Variants in ITGBL1 observed in about 807,000 individuals in gnomAD.
ITGBL1 encodes the protein integrin beta-like protein 1.
A neutral mutation model predicts 68.5 loss-of-function variants in ITGBL1; 51 were observed. The observed-to-expected ratio is 0.74, with a 90% CI of 0.59 to 0.94. The LOEUF is 0.94. Ranked by LOEUF, ITGBL1 falls within the 40% of genes least tolerant of loss-of-function variation. The pLI, the probability that ITGBL1 is intolerant of heterozygous loss-of-function variation, is 0.00. For synonymous variants in ITGBL1, 209 were observed against 227.3 expected (o/e 0.92, Z 0.72); for missense variants, 649 against 647.4 (o/e 1.00, Z -0.03).
At chr13:101,492,930 C>T (rs2048801971) in intron 2 of ITGBL1, among the ~76,000 whole-genome samples, 1 of 152,218 alleles carries the variant, frequency 6.6e-6, no homozygotes, top group African/African-American at 2.4e-5. Context: ...AATGCAGAAG[C>T]TTCAGGCTGC....
At chr13:101,457,939 T>G (rs1204517860) in intron 2 of ITGBL1, among the ~76,000 whole-genome samples, 1 of 152,230 alleles carries the variant, frequency 6.6e-6, no homozygotes, top group Non-Finnish European at 1.5e-5. Flanking sequence ...ACTTAAATAA[T>G]GTATTGTTTT....
chr13:101,617,469 T>C (rs1056005991), intron 7 of ITGBL1, among the ~76,000 whole-genome samples: 1 of 152,084 alleles, frequency 6.6e-6, no homozygotes, highest in African/African-American at 2.4e-5. Context: ...CTATTCTGAT[T>C]AATGTGGAAG....
intron 6 of ITGBL1, among the ~76,000 whole-genome samples, chr13:101,585,391 T>G (rs2050535537): frequency 6.6e-6 from 1 of 152,128 alleles, no homozygotes. Context: ...ATAGAGTTGG[T>G]GGTTAAAACT....
chr13:101,641,831 C>A (rs868352469), intron 7 of ITGBL1, among the ~76,000 whole-genome samples: 3 of 148,252 alleles, frequency 2.0e-5, no homozygotes, highest in Non-Finnish European at 4.4e-5. Context: ...TTTGTTCTTG[C>A]GATAGTTTAC....
At chr13:101,475,346 A>T (rs2048520347) in intron 2 of ITGBL1, among the ~76,000 whole-genome samples, 1 of 152,174 alleles carries the variant, frequency 6.6e-6, no homozygotes, top group Non-Finnish European at 1.5e-5. Flanking sequence ...AACAGAAGAA[A>T]GAATTAGTGA....
intron 2 of ITGBL1, among the ~76,000 whole-genome samples, chr13:101,493,800 C>G (rs2048816069): frequency 1.3e-5 from 2 of 152,218 alleles, no homozygotes; most frequent in Admixed American, 6.5e-5. Flanking sequence ...AAGAGCCTAT[C>G]TGATGTTTCT....
intron 2 of ITGBL1, among the ~76,000 whole-genome samples, chr13:101,556,876 C>T (rs901663684): frequency 1.3e-5 from 2 of 152,192 alleles, no homozygotes; most frequent in African/African-American, 4.8e-5. Context: ...TGAGACAAAA[C>T]ATTTTTGTTG....
chr13:101,624,488 C>T (rs967423788), intron 7 of ITGBL1, among the ~76,000 whole-genome samples: 2 of 152,146 alleles, frequency 1.3e-5, no homozygotes, highest in South Asian at 2.1e-4. Context: ...GAGGTGAGGA[C>T]TCAGGATACA....
At chr13:101,527,373 A>C (rs918583034) in intron 2 of ITGBL1, among the ~76,000 whole-genome samples, 2 of 152,082 alleles carry the variant, frequency 1.3e-5, no homozygotes, top group African/African-American at 4.8e-5. Flanking sequence ...TCTGTGTCCA[A>C]CATCTTTTGC....
At chr13:101,584,922 TC>T (rs1460783726) in intron 6 of ITGBL1, among the ~76,000 whole-genome samples, 1 of 151,478 alleles carries the variant, frequency 6.6e-6, no homozygotes, top group Non-Finnish European at 1.5e-5. Flanking sequence ...GTGGGTTTTA[TC>T]CTAAAAAAAA....
intron 9 of ITGBL1, among the ~76,000 whole-genome samples, chr13:101,710,023 C>G (rs890224946): frequency 7.2e-5 from 11 of 152,192 alleles, no homozygotes; most frequent in African/African-American, 2.7e-4. Flanking sequence ...AATATTGACT[C>G]AAAGGCATTT....
chr13:101,705,935 A>T (rs2034255050), intron 8 of ITGBL1, among the ~76,000 whole-genome samples: 1 of 152,210 alleles, frequency 6.6e-6, no homozygotes, highest in Non-Finnish European at 1.5e-5. Context: ...CAAATAGTTG[A>T]TTCAGAGAGA....
At chr13:101,479,064 C>A (rs2139033705) in intron 2 of ITGBL1, among the ~76,000 whole-genome samples, 1 of 152,136 alleles carries the variant, frequency 6.6e-6, no homozygotes, top group African/African-American at 2.4e-5. Flanking sequence ...AATTATAACA[C>A]AGAGCTATAG....
Position 101,604,861 on chromosome 13 carries a change from T to TAC in ITGBL1, c.1015+6563_1015+6564insCA, listed in dbSNP as rs1594922316. Among the ~76,000 whole-genome samples, 10 of 19,110 alleles carry TAC rather than the reference T, an allele frequency of 5.2e-4. 1 individual carries two copies. In the Admixed American group the frequency reaches 6.1e-3, roughly 12 times the overall value. The allele number at this position is 19,110 out of a possible 152,430, so 12.5% of individuals were successfully genotyped here. On this transcript the variant is annotated intron_variant, in intron 7 of 10. Coordinates refer to ENST00000376180, the MANE Select transcript of ITGBL1 (RefSeq NM_004791.3). ...GGTGAAGGCAATATATATATATATA[T>TAC]ATATATATATATATATATATATATA...
chr13:101,482,955 G>A (rs1181098581), intron 2 of ITGBL1, among the ~76,000 whole-genome samples: 1 of 152,154 alleles, frequency 6.6e-6, no homozygotes, highest in African/African-American at 2.4e-5. Context: ...GAGCTCAACA[G>A]CCTGTGTATT....
chr13:101,523,711 G>A (rs567638306), intron 2 of ITGBL1, among the ~76,000 whole-genome samples: 1 of 142,656 alleles, frequency 7.0e-6, no homozygotes, highest in East Asian at 2.1e-4. Context: ...ACTTCAAATG[G>A]ATGCACACAA....
At chr13:101,606,110 C>CTATA (rs1442689773) in intron 7 of ITGBL1, among the ~76,000 whole-genome samples, 30 of 138,276 alleles carry the variant, frequency 2.2e-4, no homozygotes, top group Non-Finnish European at 4.3e-4. Context: ...CTCTCTCTCT[C>CTATA]TCTATATATA....
intron 2 of ITGBL1, among the ~76,000 whole-genome samples, chr13:101,455,611 C>T (rs1353493511): frequency 6.6e-6 from 1 of 152,146 alleles, no homozygotes; most frequent in African/African-American, 2.4e-5. Flanking sequence ...TTGCAGAGAG[C>T]CAAGATCATG....
intron 7 of ITGBL1, among the ~76,000 whole-genome samples, chr13:101,646,780 C>G (rs2032572351): frequency 6.6e-6 from 1 of 151,624 alleles, no homozygotes; most frequent in African/African-American, 2.4e-5. Flanking sequence ...CAAAACAAAA[C>G]AAAAAGGAAA....
Sources: allele counts gnomAD v4.1 joint callset (sites outside exome capture counted in the v4.1 genomes callset), GRCh38; gene constraint gnomAD v4.1.1; transcripts MANE v1.5; gene names NCBI Gene and HGNC (gene_info 2026-07-23, HGNC 2026-07-21).